The following COL26A1 variants were observed in gnomAD, a reference collection of about 807,000 sequenced individuals.
COL26A1 encodes collagen type XXVI alpha 1 chain, also known as collagen alpha-1(XXVI) chain.
Under a neutral mutation model 59.3 loss-of-function variants are expected in COL26A1, and 41 were observed. That is an observed-to-expected ratio of 0.69 (90% confidence interval 0.54 to 0.90). The LOEUF (loss-of-function observed/expected upper bound fraction) is 0.90, where lower values mean the gene tolerates loss of function less well. COL26A1 is among the 40% of genes least tolerant of loss of function. COL26A1 has a pLI of 0.00. For missense variants in COL26A1, 612 were observed against 602.3 expected (o/e 1.02, Z -0.17); for synonymous variants, 266 against 256.0 (o/e 1.04, Z -0.37).
chr7:101,494,192 T>G (rs1794532310), intron 3 of COL26A1, among the ~76,000 whole-genome samples: 1 of 147,740 alleles, frequency 6.8e-6, no homozygotes, highest in Non-Finnish European at 1.5e-5. Context: ...AGTGCAGTGG[T>G]GTTAGCTCAC....
intron 1 of COL26A1, among the ~76,000 whole-genome samples, chr7:101,375,631 G>A (rs1791296889): frequency 6.6e-6 from 1 of 151,930 alleles, no homozygotes; most frequent in Non-Finnish European, 1.5e-5. Context: ...CTTGAGCCCA[G>A]GAGTGTGAGA....
chr7:101,457,798 T>C (rs1793511222), intron 3 of COL26A1, among the ~76,000 whole-genome samples: 1 of 152,218 alleles, frequency 6.6e-6, no homozygotes, highest in African/African-American at 2.4e-5. Context: ...TTCTTCCATG[T>C]TTTACATATA....
chr7:101,376,498 T>C (rs1200486395), intron 1 of COL26A1, among the ~76,000 whole-genome samples: 1 of 152,146 alleles, frequency 6.6e-6, no homozygotes, highest in African/African-American at 2.4e-5. Flanking sequence ...TCTTGTAGGA[T>C]GAGCAAAATG....
At chr7:101,461,530 T>C (rs1793612925) in intron 3 of COL26A1, among the ~76,000 whole-genome samples, 1 of 152,110 alleles carries the variant, frequency 6.6e-6, no homozygotes, top group African/African-American at 2.4e-5. Context: ...ACTCCTCACC[T>C]CAGGTGATCC....
At chr7:101,362,790 G>A (rs1790920575), upstream of COL26A1, 3 of 530,030 alleles carry the variant, frequency 5.7e-6, no homozygotes, top group Non-Finnish European at 9.9e-6. Flanking sequence ...ACCGCCGAGG[G>A]TTAACAAAAA....
In COL26A1 at chr7:101,543,174, C is replaced by CT. The variant is rs11363180; in HGVS notation, c.605-811dup. Reference sequence around the variant, plus strand: ...CAGGTCCCTTCATCAGATCAGCAAACTTTTTTTTTTTTTCTGAGACGGTCT... The same window carrying CT: ...CAGGTCCCTTCATCAGATCAGCAAACTTTTTTTTTTTTTTCTGAGACGGTCT... On this transcript the variant is annotated intron_variant, in intron 5 of 12. Transcript: ENST00000313669. Among the ~76,000 whole-genome samples, 237 of 148,072 alleles carry CT rather than the reference C, an allele frequency of 1.6e-3. 1 individual carries two copies. Among genetic ancestry groups the CT allele is most frequent in the East Asian group, 0.011 (55 of 4,998 alleles).
At chr7:101,474,077 C>G (rs1209709731) in intron 3 of COL26A1, among the ~76,000 whole-genome samples, 2 of 152,116 alleles carry the variant, frequency 1.3e-5, no homozygotes, top group Non-Finnish European at 2.9e-5. Context: ...CTGGCAAAGC[C>G]CTGAGCCCTC....
rs147590187 is a variant in COL26A1, at chr7:101,484,199, G to A, written c.385+36412G>A. 3.7e-3 allele frequency among the ~76,000 whole-genome samples: 568 copies of A among 152,100 alleles called. 3 individuals are homozygous for A. The highest frequency in any genetic ancestry group is 6.0e-3 in the Non-Finnish European group (409 of 67,988). On this transcript the variant is annotated intron_variant, in intron 3 of 12. Coordinates refer to ENST00000313669, the MANE Select transcript of COL26A1 (RefSeq NM_001278563.3). Reference sequence around the variant, plus strand: ...TTTCTAAGCATTCACACTGTGCCTGGTTCAGGTCTTACATTCTCTTTAGAC... The same window carrying A: ...TTTCTAAGCATTCACACTGTGCCTGATTCAGGTCTTACATTCTCTTTAGAC...
At chr7:101,539,542 G>A (rs369809884) in intron 4 of COL26A1, among the ~76,000 whole-genome samples, 1 of 151,988 alleles carries the variant, frequency 6.6e-6, no homozygotes, top group African/African-American at 2.4e-5. Context: ...TGCCCAGGCT[G>A]GTCTCAAACT....
intron 3 of COL26A1, among the ~76,000 whole-genome samples, chr7:101,450,095 G>T (rs920790235): frequency 6.8e-6 from 1 of 147,188 alleles, no homozygotes; most frequent in Non-Finnish European, 1.5e-5. Flanking sequence ...CTGTACTCCA[G>T]CCTGGATGAC....
intron 3 of COL26A1, among the ~76,000 whole-genome samples, chr7:101,473,030 T>C (rs1333495490): frequency 6.6e-6 from 1 of 152,176 alleles, no homozygotes; most frequent in Non-Finnish European, 1.5e-5. Context: ...CAATTGCCTA[T>C]ATGTTTATCT....
At chr7:101,557,333 G>T (rs1227554408) in intron 12 of COL26A1, 37 bp from the exon 13 acceptor site, 1 of 1,590,450 alleles carries the variant, frequency 6.3e-7, no homozygotes, top group Non-Finnish European at 8.6e-7. Context: ...TGTTCCTAAG[G>T]CTCTACCTCG....
chr7:101,431,257 C>A (rs1243021594), intron 2 of COL26A1, among the ~76,000 whole-genome samples: 3 of 151,910 alleles, frequency 2.0e-5, no homozygotes, highest in African/African-American at 7.3e-5. Context: ...TTTTGCTTTT[C>A]TTTCTTTTTT....
At chr7:101,362,449 C>T (rs1016432747), upstream of COL26A1, among the ~76,000 whole-genome samples, 7 of 152,138 alleles carry the variant, frequency 4.6e-5, no homozygotes, top group Non-Finnish European at 7.4e-5. Context: ...CTCACGGGAA[C>T]GCAGCGCTTT....
chr7:101,441,890 C>G (rs1048288089), intron 2 of COL26A1, among the ~76,000 whole-genome samples: 1 of 152,274 alleles, frequency 6.6e-6, no homozygotes, highest in Admixed American at 6.5e-5. Flanking sequence ...GCACTCACAG[C>G]CTTACACCAG....
At chr7:101,408,766 G>A (rs908375420) in intron 1 of COL26A1, among the ~76,000 whole-genome samples, 1 of 152,186 alleles carries the variant, frequency 6.6e-6, no homozygotes, top group Admixed American at 6.5e-5. Context: ...CATGTTGTTA[G>A]ACTTGGCTCC....
chr7:101,488,353 TATATATATATA>T (rs1794313153), intron 3 of COL26A1, among the ~76,000 whole-genome samples: 4 of 94,038 alleles, frequency 4.3e-5, no homozygotes, highest in African/African-American at 2.0e-4. Context: ...TTATTTAATA[TATATATATATA>T]TATATATATA....
chr7:101,393,500 C>A (rs1791781074), intron 1 of COL26A1, among the ~76,000 whole-genome samples: 1 of 152,142 alleles, frequency 6.6e-6, no homozygotes, highest in Non-Finnish European at 1.5e-5. Flanking sequence ...TGAGATGGTG[C>A]CCACCCAGAT....
chr7:101,539,517 G>C (rs760779838), intron 4 of COL26A1, among the ~76,000 whole-genome samples: 5 of 151,958 alleles, frequency 3.3e-5, no homozygotes, highest in Non-Finnish European at 7.4e-5. Context: ...TGTAGAGATG[G>C]GGGTCTCACT....
Sources: gnomAD v4.1 joint callset for allele counts (sites outside exome capture counted in the v4.1 genomes callset) on GRCh38, gnomAD v4.1.1 for gene constraint, MANE v1.5 for transcripts, NCBI Gene and HGNC (gene_info 2026-07-23, HGNC 2026-07-21) for gene names.